The following ATP6V0D1 variants were observed in gnomAD, a reference collection of about 807,000 sequenced individuals.
ATP6V0D1 encodes the protein ATPase H+ transporting V0 subunit d1, also known as V-type proton ATPase subunit d 1.
Under a neutral mutation model 39.0 loss-of-function variants are expected in ATP6V0D1, and 13 were observed. The observed-to-expected ratio is 0.33, with a 90% confidence interval of 0.22 to 0.53. The LOEUF is 0.53. Ranked by LOEUF, ATP6V0D1 falls within the 20% of genes least tolerant of loss-of-function variation. The probability of loss-of-function intolerance (pLI) is 0.94; values close to 1 mark genes in which losing one functional copy is unlikely to be tolerated. For missense variants in ATP6V0D1, 272 were observed against 470.9 expected (o/e 0.58, Z 3.91); for synonymous variants, 191 against 191.2 (o/e 1.00, Z 0.01).
At chr16:67,474,929 C>T (rs1023125055) in intron 1 of ATP6V0D1, among the ~76,000 whole-genome samples, 1 of 152,116 alleles carries the variant, frequency 6.6e-6, no homozygotes, top group Admixed American at 6.5e-5. Context: ...CTTATTCTTC[C>T]CCCAGCCTTC....
chr16:67,464,647 G>A (rs1289048069), intron 1 of ATP6V0D1, among the ~76,000 whole-genome samples: 2 of 152,210 alleles, frequency 1.3e-5, no homozygotes, highest in African/African-American at 4.8e-5. Context: ...CCTCTGAGTG[G>A]CCACCAGCAC....
chr16:67,469,240 G>A (rs1192545797), intron 1 of ATP6V0D1, among the ~76,000 whole-genome samples: 4 of 152,120 alleles, frequency 2.6e-5, no homozygotes, highest in Admixed American at 6.5e-5. Context: ...CCTGGGAGGC[G>A]GAGGTTGCAG....
chr16:67,451,105 G>C (rs926488652), intron 2 of ATP6V0D1, among the ~76,000 whole-genome samples: 4 of 152,184 alleles, frequency 2.6e-5, no homozygotes, highest in Admixed American at 6.5e-5. Flanking sequence ...AAAAGCTTGA[G>C]GCTGGCTAAG....
chr16:67,453,030 C>T lies in ATP6V0D1; in HGVS notation c.302+514G>A, dbSNP rs2041198961. On this transcript the variant is annotated intron_variant, in intron 2 of 7. Transcript: ENST00000290949. The surrounding 1 kb of genome is among the most constrained non-coding windows in gnomAD (Gnocchi z 4.1). ...TCAACTCTACTCCGAACCAATCTCC[C>T]TGAGACCCAGGGCCATGGTCAGAGC... Among the ~76,000 whole-genome samples the T allele has an allele frequency of 6.6e-6, 1 of 152,208 alleles. No homozygotes were observed. Among genetic ancestry groups the T allele is most frequent in the Non-Finnish European group, 1.5e-5 (1 of 68,034 alleles).
In ATP6V0D1 at chr16:67,456,165, T is replaced by A. The variant is rs2041235745; in HGVS notation, c.131-2450A>T. 3 of 151,738 alleles carry A rather than the reference T, an allele frequency of 2.0e-5. No homozygotes were observed. The highest frequency in any genetic ancestry group is 7.3e-5 in the African/African-American group (3 of 41,278). The allele number at this position is 151,738 out of a possible 1,614,324, so 9.4% of individuals were successfully genotyped here. The stretch of plus-strand genomic sequence containing the variant: ...GTGCATGCCACCATGCCTGGCTAAT[T>A]TTTTTTTATTTTTAGTAGAGACGGG... On this transcript the variant is annotated intron_variant, in intron 1 of 7. Transcript: ENST00000290949. The surrounding 1 kb of genome is among the most constrained non-coding windows in gnomAD (Gnocchi z 4.1).
At chr16:67,451,344 T>C (rs1446452195) in intron 2 of ATP6V0D1, among the ~76,000 whole-genome samples, 1 of 151,752 alleles carries the variant, frequency 6.6e-6, no homozygotes, top group Non-Finnish European at 1.5e-5. Flanking sequence ...GGAACTTCAG[T>C]TGGGGAGGGC....
intron 4 of ATP6V0D1, 74 bp from the exon 5 acceptor site, chr16:67,439,425 G>T: frequency 7.1e-7 from 1 of 1,400,830 alleles, no homozygotes; most frequent in South Asian, 1.2e-5. Context: ...AGCCCTCACA[G>T]CTCCCTCCTC....
intron 1 of ATP6V0D1, among the ~76,000 whole-genome samples, chr16:67,462,936 C>A (rs1044280779): frequency 6.6e-6 from 1 of 152,086 alleles, no homozygotes; most frequent in Non-Finnish European, 1.5e-5. Flanking sequence ...CTGTTCCACA[C>A]GCACAGCCAT....
chr16:67,477,483 G>A (rs1036416800), intron 1 of ATP6V0D1, among the ~76,000 whole-genome samples: 13 of 152,150 alleles, frequency 8.5e-5, no homozygotes, highest in Admixed American at 6.6e-5. Context: ...ACAACTGAAA[G>A]GGTATGCTGT....
At chr16:67,479,884 T>C (rs963050824) in intron 1 of ATP6V0D1, among the ~76,000 whole-genome samples, 16 of 152,056 alleles carry the variant, frequency 1.1e-4, no homozygotes, top group Non-Finnish European at 1.9e-4. Context: ...ACTCAGTACA[T>C]CTGTTGGAGC....
chr16:67,474,650 T>TG (rs35008189), intron 1 of ATP6V0D1, among the ~76,000 whole-genome samples: 4 of 152,202 alleles, frequency 2.6e-5, no homozygotes, highest in Admixed American at 2.6e-4. Flanking sequence ...AAGTGCTTCC[T>TG]GGGGGAGGGT....
At chr16:67,476,485 G>C (rs898831324) in intron 1 of ATP6V0D1, among the ~76,000 whole-genome samples, 1 of 152,128 alleles carries the variant, frequency 6.6e-6, no homozygotes, top group Non-Finnish European at 1.5e-5. Flanking sequence ...TCTTTATTTT[G>C]AAACCTGGTA....
chr16:67,445,678 T>C, intron 2 of ATP6V0D1: 1 of 316,990 alleles, frequency 3.2e-6, no homozygotes, highest in Non-Finnish European at 6.4e-6. Flanking sequence ...GCCAGCTCTG[T>C]GGGGTACATG....
At chr16:67,463,197 T>C (rs535246904) in intron 1 of ATP6V0D1, among the ~76,000 whole-genome samples, 1 of 152,196 alleles carries the variant, frequency 6.6e-6, no homozygotes, top group Non-Finnish European at 1.5e-5. Flanking sequence ...TGTGAGCTCA[T>C]GCACTGTCAG....
At chr16:67,457,506 G>A in intron 1 of ATP6V0D1, 2 of 1,191,290 alleles carry the variant, frequency 1.7e-6, no homozygotes, top group South Asian at 2.6e-5. Context: ...AGGGGTGGGA[G>A]AAGCCAGGGC....
At chr16:67,445,848 C>T in intron 2 of ATP6V0D1, 1 of 446,490 alleles carries the variant, frequency 2.2e-6, no homozygotes, top group Non-Finnish European at 4.5e-6. Context: ...AAGCCCCATT[C>T]CACAGTTAGG....
At position 67,444,773 on chromosome 16, in the gene ATP6V0D1, A is replaced by G; in HGVS notation, c.303-67T>C. The G allele has an allele frequency of 7.0e-7, 1 of 1,437,758 alleles. No individual in the cohort carries two copies. The highest frequency in any genetic ancestry group is 9.3e-7 in the Non-Finnish European group (1 of 1,073,298). The allele number at this position is 1,437,758 out of a possible 1,614,324, so 89.1% of individuals were successfully genotyped here. On this transcript the variant is annotated intron_variant, in intron 2 of 7. Coordinates refer to ENST00000290949, the MANE Select transcript of ATP6V0D1 (RefSeq NM_004691.5). The surrounding 1 kb of genome is among the most constrained non-coding windows in gnomAD (Gnocchi z 4.8). ...GGCCGGGAAGTCCTGGCATAGCACC[A>G]TGCCCTCGCCCGCCTGCACAGGCCA...
At position 67,479,981 on chromosome 16, in the gene ATP6V0D1, C is replaced by T. The variant is rs965848348; in HGVS notation, c.130+976G>A. On this transcript the variant is annotated intron_variant, in intron 1 of 7. Transcript: ENST00000290949. ...TTGGGAGGCCGAGGCGGGCGGATCA[C>T]GAGGTCAGGAGATCGAGACCATCCC... is the stretch of plus-strand genomic sequence containing the variant. Among the ~76,000 whole-genome samples the T allele has an allele frequency of 2.3e-4, 31 of 137,462 alleles. 2 individuals are homozygous for T. The highest frequency in any genetic ancestry group is 1.1e-3 in the Admixed American group (17 of 14,858). The allele number at this position is 137,462 out of a possible 152,430, so 90.2% of individuals were successfully genotyped here.
In ATP6V0D1 at chr16:67,439,039, C is replaced by T; in HGVS notation, c.748G>A (p.Glu250Lys). ...LFPHCGRLYP[E>K]GLAQLARADD... ...GCCCGAGCCAGCTGCGCCAGGCCCT[C>T]AGGGTAGAGCCGCCCACAGTGTGGA... The change falls in exon 6 of 8, where the codon GAG becomes AAG. Residue 250 changes from glutamate (E) to lysine (K), a missense_variant. Glu to Lys is a moderately conservative substitution (Grantham distance 56, BLOSUM62 1). Coordinates refer to ENST00000290949, the MANE Select transcript of ATP6V0D1 (RefSeq NM_004691.5). 1 of 1,614,212 alleles carries T rather than the reference C, an allele frequency of 6.2e-7. No homozygotes were observed. Among genetic ancestry groups the T allele is most frequent in the East Asian group, 2.2e-5 (1 of 44,876 alleles).
Sources: gnomAD v4.1 joint callset for allele counts (sites outside exome capture counted in the v4.1 genomes callset) on GRCh38, gnomAD v4.1.1 for gene constraint, Gnocchi (gnomAD v3.1) non-coding constraint, MANE v1.5 for transcripts, NCBI Gene and HGNC (gene_info 2026-07-23, HGNC 2026-07-21) for gene names.